The following CSMD1 variants were observed in gnomAD, a reference collection of about 807,000 sequenced individuals.
The protein encoded by CSMD1 is CUB and Sushi multiple domains 1, also known as CUB and sushi domain-containing protein 1.
A neutral mutation model predicts 417.5 loss-of-function variants in CSMD1; 213 were observed. The ratio of observed to expected loss-of-function variants is 0.51; its 90% CI spans 0.46 to 0.57. CSMD1 has a LOEUF of 0.57. CSMD1 is among the 20% of genes least tolerant of loss of function. CSMD1 has a pLI of 0.00. For synonymous variants in CSMD1, 2,862 were observed against 1,736.8 expected (o/e 1.65, Z -16.11); for missense variants, 6,923 against 4,529.7 (o/e 1.53, Z -15.17).
At position 4,538,023 on chromosome 8, in the gene CSMD1, T is replaced by G. The variant is rs929812770; in HGVS notation, c.302+99319A>C. On this transcript the variant is annotated intron_variant, in intron 2 of 69. Transcript: ENST00000635120. The stretch of plus-strand genomic sequence containing the variant: ...CGTCATGGTTTTCATCTGAATCACA[T>G]AACTGAGTATAAATATAGCTGTCAA... Among the ~76,000 whole-genome samples, 4 of 152,288 alleles carry G rather than the reference T, an allele frequency of 2.6e-5. No individual in the cohort carries two copies. The South Asian group carries it at 8.3e-4, about 32-fold the overall frequency.
chr8:3,913,704 A>G (rs1274196738), intron 5 of CSMD1, among the ~76,000 whole-genome samples: 4 of 152,156 alleles, frequency 2.6e-5, no homozygotes, highest in Non-Finnish European at 2.9e-5. Context: ...GGAAGTTTAG[A>G]TGGAAGCATG....
intron 26 of CSMD1, among the ~76,000 whole-genome samples, chr8:3,259,426 G>GTGAATGAA (rs35622979): frequency 1.3e-5 from 2 of 151,398 alleles, no homozygotes; most frequent in African/African-American, 2.4e-5. Flanking sequence ...GAATGAATGA[G>GTGAATGAA]TGAATGAATG....
intron 7 of CSMD1, among the ~76,000 whole-genome samples, chr8:3,618,569 T>G (rs1218072931): frequency 6.6e-6 from 1 of 152,130 alleles, no homozygotes; most frequent in Non-Finnish European, 1.5e-5. Flanking sequence ...TTTCTCAATA[T>G]TATATCAAAA....
intron 17 of CSMD1, among the ~76,000 whole-genome samples, chr8:3,393,248 C>T (rs775602974): frequency 2.6e-5 from 4 of 152,174 alleles, no homozygotes; most frequent in Non-Finnish European, 5.9e-5. Flanking sequence ...AGTCACAGTG[C>T]TGGAAAGTTC....
chr8:3,758,976 G>A (rs575657552), intron 5 of CSMD1, among the ~76,000 whole-genome samples: 6 of 152,322 alleles, frequency 3.9e-5, no homozygotes, highest in African/African-American at 1.2e-4. Context: ...CACCCTCTTG[G>A]CTGACAAGAA....
At chr8:2,993,225 T>G (rs897543463) in intron 54 of CSMD1, among the ~76,000 whole-genome samples, 1 of 152,246 alleles carries the variant, frequency 6.6e-6, no homozygotes, top group Admixed American at 6.5e-5. Flanking sequence ...AGGCCACTTC[T>G]AGTTAGTGAA....
chr8:4,474,617 A>T (rs953611366), intron 2 of CSMD1, among the ~76,000 whole-genome samples: 4 of 152,164 alleles, frequency 2.6e-5, no homozygotes, highest in African/African-American at 9.7e-5. Context: ...TACGTAACCC[A>T]TTCCTGGGTG....
chr8:3,526,801 G>A (rs532331293), intron 10 of CSMD1, among the ~76,000 whole-genome samples: 4 of 152,136 alleles, frequency 2.6e-5, no homozygotes, highest in Non-Finnish European at 4.4e-5. Flanking sequence ...AGCAGACGAC[G>A]CTGGTTATGT....
At position 4,693,619 on chromosome 8, in the gene CSMD1, C is replaced by T. The variant is rs78400926; in HGVS notation, c.86-56061G>A. ...GAGGTAAAACAACGGGATTTTTCTC[C>T]TTCCATTTTTTCAAATGGGTGATCT... is the stretch of plus-strand genomic sequence containing the variant. On this transcript the variant is annotated intron_variant, in intron 1 of 69. Transcript: ENST00000635120. Among the ~76,000 whole-genome samples the T allele has an allele frequency of 4.5e-3, 682 of 152,272 alleles. 7 individuals are homozygous for T. The highest frequency in any genetic ancestry group is 0.016 in the African/African-American group (655 of 41,572).
At position 4,500,430 on chromosome 8, in the gene CSMD1, G is replaced by C. The variant is rs547435481; in HGVS notation, c.303-80365C>G. Among the ~76,000 whole-genome samples the C allele has an allele frequency of 3.3e-5, 5 of 152,268 alleles. No individual in the cohort carries two copies. The East Asian group carries it at 7.7e-4, about 23-fold the overall frequency. ...GAACTATTACTGTAGACAAAAACTTGCGTAGATCGTGTAAACAAACTATTG... is the reference window on the plus strand; with the variant it reads ...GAACTATTACTGTAGACAAAAACTTCCGTAGATCGTGTAAACAAACTATTG... On this transcript the variant is annotated intron_variant, in intron 2 of 69. Transcript: ENST00000635120.
intron 26 of CSMD1, among the ~76,000 whole-genome samples, chr8:3,252,464 C>G (rs892734178): frequency 1.3e-5 from 2 of 152,106 alleles, no homozygotes; most frequent in Admixed American, 1.3e-4. Context: ...TTCACTTTGC[C>G]AGTATTTTAT....
chr8:3,132,157 G>C (rs965553999), intron 41 of CSMD1, among the ~76,000 whole-genome samples: 2 of 152,268 alleles, frequency 1.3e-5, no homozygotes, highest in African/African-American at 4.8e-5. Flanking sequence ...CCACCCAGTG[G>C]GTTTTACCCT....
At chr8:3,918,448 T>A (rs1283771808) in intron 5 of CSMD1, among the ~76,000 whole-genome samples, 1 of 152,216 alleles carries the variant, frequency 6.6e-6, no homozygotes, top group East Asian at 1.9e-4. Context: ...TAATTAATTA[T>A]ATTGATCACC....
At chr8:3,222,307 T>G (rs1798264671) in intron 28 of CSMD1, among the ~76,000 whole-genome samples, 1 of 147,950 alleles carries the variant, frequency 6.8e-6, no homozygotes. Flanking sequence ...TAACAAGGTT[T>G]TGTGTTCAAT....
intron 2 of CSMD1, among the ~76,000 whole-genome samples, chr8:4,468,683 TATC>T (rs1800338460): frequency 6.6e-6 from 1 of 152,204 alleles, no homozygotes. Context: ...GGACTGTATG[TATC>T]ATAACAAGAG....
At chr8:3,423,151 T>C (rs1813604192) in intron 12 of CSMD1, among the ~76,000 whole-genome samples, 1 of 152,194 alleles carries the variant, frequency 6.6e-6, no homozygotes, top group Non-Finnish European at 1.5e-5. Context: ...AAATAATCAG[T>C]TTAATTAAGG....
intron 42 of CSMD1, among the ~76,000 whole-genome samples, chr8:3,110,883 A>G (rs1009766138): frequency 6.6e-6 from 1 of 152,192 alleles, no homozygotes; most frequent in East Asian, 1.9e-4. Context: ...TCCAGTTTTT[A>G]CTAGTGTTCA....
At chr8:3,177,971 T>C (rs1821048303) in intron 37 of CSMD1, among the ~76,000 whole-genome samples, 1 of 152,210 alleles carries the variant, frequency 6.6e-6, no homozygotes, top group Non-Finnish European at 1.5e-5. Context: ...ACATGTCCAG[T>C]TAAGTTAAAT....
intron 5 of CSMD1, among the ~76,000 whole-genome samples, chr8:3,990,044 G>C (rs1011170825): frequency 1.3e-5 from 2 of 152,178 alleles, no homozygotes; most frequent in Non-Finnish European, 1.5e-5. Context: ...GAGTTAAGCA[G>C]CATTATTTGA....
Sources: gnomAD v4.1 joint callset for allele counts (sites outside exome capture counted in the v4.1 genomes callset) on GRCh38, gnomAD v4.1.1 for gene constraint, MANE v1.5 for transcripts, NCBI Gene and HGNC (gene_info 2026-07-23, HGNC 2026-07-21) for gene names.